The following GNB4 variants were observed in gnomAD, a reference collection of about 807,000 sequenced individuals.
The protein encoded by GNB4 is guanine nucleotide-binding protein subunit beta-4.
GNB4 carries 28 observed loss-of-function variants against 45.2 expected under a neutral mutation model. That is an observed-to-expected ratio of 0.62 (90% CI 0.46 to 0.85). The LOEUF is 0.85. GNB4 is among the 40% of genes least tolerant of loss of function. GNB4 has a pLI of 0.00. For synonymous variants in GNB4, 132 were observed against 143.7 expected (o/e 0.92, Z 0.58); for missense variants, 321 against 425.4 (o/e 0.75, Z 2.16).
chr3:179,427,554 G>A (rs192866496), intron 1 of GNB4, among the ~76,000 whole-genome samples: 44 of 149,024 alleles, frequency 3.0e-4, no homozygotes, highest in African/African-American at 8.0e-4. Context: ...GCAGTGAGCC[G>A]AGGTCACACC....
the GNB4 span, among the ~76,000 whole-genome samples, chr3:179,513,562 C>G: frequency 6.6e-6 from 1 of 151,876 alleles, no homozygotes; most frequent in Non-Finnish European, 1.5e-5. Context: ...TTCTATAAAC[C>G]TTATAATTAT....
rs369992220 is a variant in GNB4 at position 179,403,351 on chromosome 3, TAAA to T, written c.916+1836_916+1838del. On this transcript the variant is annotated intron_variant, in intron 9 of 9. Transcript: ENST00000232564. ...AAAGATGATGCTTGAAGAAGAAACT[TAAA>T]AAAAAAATTCTTTCACTAATAATAG... Among the ~76,000 whole-genome samples the T allele has an allele frequency of 2.3e-3, 342 of 148,848 alleles. 1 individual carries two copies. The highest frequency in any genetic ancestry group is 7.9e-3 in the African/African-American group (322 of 40,598).
At chr3:179,515,463 T>C in the GNB4 span, among the ~76,000 whole-genome samples, 1 of 151,850 alleles carries the variant, frequency 6.6e-6, no homozygotes, top group Non-Finnish European at 1.5e-5. Flanking sequence ...AGTAGAAAAT[T>C]ACAGTCAAAG....
chr3:179,515,062 A>G, the GNB4 span, among the ~76,000 whole-genome samples: 1 of 152,204 alleles, frequency 6.6e-6, no homozygotes. Flanking sequence ...TTGAAAACCC[A>G]TTAATATTTA....
intron 1 of GNB4, among the ~76,000 whole-genome samples, chr3:179,447,997 G>T (rs1219477692): frequency 1.3e-5 from 2 of 152,208 alleles, no homozygotes; most frequent in Non-Finnish European, 2.9e-5. Context: ...TCTGTTGCCT[G>T]TGTCAAATGT....
the GNB4 span, among the ~76,000 whole-genome samples, chr3:179,501,719 C>T: frequency 3.3e-5 from 5 of 152,290 alleles, no homozygotes; most frequent in African/African-American, 1.2e-4. Context: ...CTTCCTCTGT[C>T]TTCCACATCT....
chr3:179,484,399 A>G, the GNB4 span, among the ~76,000 whole-genome samples: 1 of 152,178 alleles, frequency 6.6e-6, no homozygotes, highest in Non-Finnish European at 1.5e-5. Context: ...TTGCTTATTC[A>G]CTACAGTTTA....
chr3:179,417,571 T>C (rs1299781383), intron 4 of GNB4, among the ~76,000 whole-genome samples: 1 of 151,910 alleles, frequency 6.6e-6, no homozygotes, highest in Non-Finnish European at 1.5e-5. Context: ...CCACGACTGG[T>C]AAGATGGGAT....
the GNB4 span, among the ~76,000 whole-genome samples, chr3:179,500,435 G>A: frequency 6.6e-6 from 1 of 152,062 alleles, no homozygotes; most frequent in South Asian, 2.1e-4. Flanking sequence ...CTGTTCCATT[G>A]GTCTATATAT....
chr3:179,435,596 C>A (rs1319251072), intron 1 of GNB4, among the ~76,000 whole-genome samples: 1 of 151,978 alleles, frequency 6.6e-6, no homozygotes, highest in African/African-American at 2.4e-5. Flanking sequence ...GCATTAACAT[C>A]GCTAAGGCAA....
chr3:179,479,216 C>A, the GNB4 span, among the ~76,000 whole-genome samples: 1,350 of 152,148 alleles, frequency 8.9e-3, 33 homozygotes, highest in African/African-American at 0.031. Flanking sequence ...TATCAAGTTG[C>A]GTATGTACTA....
chr3:179,438,917 A>AT (rs542928016), intron 1 of GNB4, among the ~76,000 whole-genome samples: 8 of 152,232 alleles, frequency 5.3e-5, no homozygotes, highest in South Asian at 2.1e-4. Flanking sequence ...TCTGTGGCCC[A>AT]TCCCCCACCC....
At chr3:179,413,879 G>A in intron 6 of GNB4, 98 bp from the exon 7 acceptor site, 1 of 874,334 alleles carries the variant, frequency 1.1e-6, no homozygotes, top group South Asian at 1.6e-5. Flanking sequence ...TAGAATACTT[G>A]GGCAACAAGT....
At chr3:179,512,712 G>C in the GNB4 span, among the ~76,000 whole-genome samples, 1 of 152,050 alleles carries the variant, frequency 6.6e-6, no homozygotes, top group South Asian at 2.1e-4. Context: ...ACTAACAATA[G>C]TTTTATGTTC....
At chr3:179,401,477 TTC>T (rs1224778564) in intron 9 of GNB4, among the ~76,000 whole-genome samples, 158 bp from the exon 10 acceptor site, 1 of 152,206 alleles carries the variant, frequency 6.6e-6, no homozygotes, top group Admixed American at 6.5e-5. Flanking sequence ...AACAACAAAT[TTC>T]TCTGAGTAAG....
At chr3:179,404,116 G>C (rs1714391315) in intron 9 of GNB4, among the ~76,000 whole-genome samples, 1 of 152,048 alleles carries the variant, frequency 6.6e-6, no homozygotes, top group Admixed American at 6.5e-5. Context: ...TAGAAACTAA[G>C]AATATAAACC....
At chr3:179,522,488 G>T in the GNB4 span, among the ~76,000 whole-genome samples, 1 of 143,288 alleles carries the variant, frequency 7.0e-6, no homozygotes, top group Non-Finnish European at 1.5e-5. Context: ...AGTGAAAGAA[G>T]GCATATTTAC....
Position 179,414,910 on chromosome 3 carries a change from T to A in GNB4, c.405A>T (p.Val135=), listed in dbSNP as rs1351175826. 6.3e-7 allele frequency: 1 copy of A among 1,598,334 alleles called. No individual in the cohort carries two copies. The highest frequency in any genetic ancestry group is 1.1e-5 in the South Asian group (1 of 88,796). Residue 135 remains valine, a synonymous_variant, in exon 6 of 10, where the codon GTA becomes GTT. Transcript: ENST00000232564. ...NLKTREGNVR[V]SRELPGHTGY... ...CTGTGTGACCTGGCAACTCTCGGCT[T>A]ACTCTCACATTTCCCTCTCTGGTCT...
the GNB4 span, among the ~76,000 whole-genome samples, chr3:179,482,440 A>AT: frequency 2.6e-5 from 4 of 152,180 alleles, no homozygotes; most frequent in African/African-American, 7.2e-5. Context: ...ACTTTGTTAA[A>AT]TTTTTCAAAA....
Sources: gnomAD v4.1 joint callset for allele counts (sites outside exome capture counted in the v4.1 genomes callset) on GRCh38, gnomAD v4.1.1 for gene constraint, MANE v1.5 for transcripts, NCBI Gene and HGNC (gene_info 2026-07-23, HGNC 2026-07-21) for gene names.